Variants in OSBPL9 observed in about 807,000 individuals in gnomAD.
OSBPL9 encodes the protein oxysterol binding protein like 9, also known as oxysterol-binding protein-related protein 9.
In OSBPL9, 40 loss-of-function variants were observed where a neutral mutation model predicts 106.6. That is an observed-to-expected ratio of 0.38 (90% CI 0.29 to 0.49). OSBPL9 has a LOEUF of 0.49. Ranked by LOEUF, OSBPL9 falls within the 20% of genes least tolerant of loss-of-function variation. The pLI is 0.97. For missense variants in OSBPL9, 609 were observed against 887.2 expected (o/e 0.69, Z 3.98); for synonymous variants, 269 against 295.4 (o/e 0.91, Z 0.92).
chr1:51,666,003 A>G (rs1368144311), intron 2 of OSBPL9, among the ~76,000 whole-genome samples: 1 of 151,938 alleles, frequency 6.6e-6, no homozygotes, highest in Non-Finnish European at 1.5e-5. Flanking sequence ...ATGCGCCACC[A>G]TGCCTGGCTA....
intron 3 of OSBPL9, among the ~76,000 whole-genome samples, chr1:51,687,666 C>T (rs558665038): frequency 1.2e-4 from 19 of 152,208 alleles, no homozygotes; most frequent in Non-Finnish European, 2.6e-4. Context: ...AAAAGGATGA[C>T]CTGTTTGAGA....
chr1:51,617,839 C>T (rs1324702445), intron 1 of OSBPL9, among the ~76,000 whole-genome samples: 1 of 152,048 alleles, frequency 6.6e-6, no homozygotes, highest in Non-Finnish European at 1.5e-5. Flanking sequence ...CTTTTGAGAG[C>T]CAAGGATTTC....
intron 5 of OSBPL9, 64 bp from the exon 6 acceptor site, chr1:51,746,646 T>G (rs1166188430): frequency 1.9e-5 from 22 of 1,141,112 alleles, no homozygotes; most frequent in Non-Finnish European, 2.8e-5. Flanking sequence ...TTTTCTGTGT[T>G]TAGTGAATGT....
chr1:51,782,480 GAGAC>G, intron 16 of OSBPL9, 75 bp from the exon 17 acceptor site: 4 of 1,204,406 alleles, frequency 3.3e-6, no homozygotes, highest in Non-Finnish European at 4.8e-6. Context: ...AGAGCGAGCA[GAGAC>G]CCCAATTACC....
chr1:51,675,965 G>A (rs1651091654), intron 3 of OSBPL9, among the ~76,000 whole-genome samples: 1 of 152,108 alleles, frequency 6.6e-6, no homozygotes, highest in South Asian at 2.1e-4. Context: ...ACAACCTTAT[G>A]AAGTAGGTAC....
chr1:51,753,044 A>AT (rs1302358127), intron 8 of OSBPL9, among the ~76,000 whole-genome samples: 1 of 152,108 alleles, frequency 6.6e-6, no homozygotes, highest in Non-Finnish European at 1.5e-5. Flanking sequence ...ATTACTTTTA[A>AT]TGGTTGCATG....
At chr1:51,567,334 T>G in the OSBPL9 span, 1 of 152,384 alleles carries the variant, frequency 6.6e-6, no homozygotes, top group African/African-American at 2.4e-5. Context: ...GTCCCCAGCC[T>G]AAGGCCCAAA....
At chr1:51,624,775 A>G (rs990486634) in intron 1 of OSBPL9, among the ~76,000 whole-genome samples, 1 of 152,186 alleles carries the variant, frequency 6.6e-6, no homozygotes, top group African/African-American at 2.4e-5. Context: ...AGCCTAGCTC[A>G]TATACTTCTT....
chr1:51,704,679 C>T (rs1658044536), intron 3 of OSBPL9, among the ~76,000 whole-genome samples: 1 of 152,156 alleles, frequency 6.6e-6, no homozygotes, highest in Non-Finnish European at 1.5e-5. Flanking sequence ...TCCTTATATC[C>T]TCATGTGTTG....
At chr1:51,616,545 G>A (rs1644063542), upstream of OSBPL9, among the ~76,000 whole-genome samples, 1 of 152,164 alleles carries the variant, frequency 6.6e-6, no homozygotes, top group African/African-American at 2.4e-5. Context: ...GGCCTTCCCT[G>A]TTTGGGAATT....
At chr1:51,593,872 A>C (rs1645287763) in intron 1 of OSBPL9, among the ~76,000 whole-genome samples, 1 of 149,884 alleles carries the variant, frequency 6.7e-6, no homozygotes, top group Admixed American at 6.8e-5. Flanking sequence ...CAAGTGCCCT[A>C]TCTACTGCAC....
At chr1:51,769,472 G>A (rs1571672778) in intron 12 of OSBPL9, among the ~76,000 whole-genome samples, 2 of 152,174 alleles carry the variant, frequency 1.3e-5, no homozygotes, top group African/African-American at 4.8e-5. Flanking sequence ...GAACCTCCGA[G>A]CGTCTGTGTA....
At chr1:51,762,017 T>G in intron 11 of OSBPL9, 46 bp downstream of exon 11, 1 of 1,394,804 alleles carries the variant, frequency 7.2e-7, no homozygotes, top group Non-Finnish European at 1.0e-6. Context: ...TCTATTAACA[T>G]TTGAGGTTTG....
At chr1:51,597,246 G>A (rs898343277) in intron 1 of OSBPL9, among the ~76,000 whole-genome samples, 1 of 152,080 alleles carries the variant, frequency 6.6e-6, no homozygotes, top group Admixed American at 6.6e-5. Flanking sequence ...GGTGTAGTGG[G>A]AAGCCTTTAA....
chr1:51,622,050 G>A (rs1011963672), intron 1 of OSBPL9, among the ~76,000 whole-genome samples: 12 of 152,028 alleles, frequency 7.9e-5, no homozygotes, highest in Admixed American at 5.9e-4. Flanking sequence ...ATATGGTTGC[G>A]GAGAAGTAAT....
intron 2 of OSBPL9, among the ~76,000 whole-genome samples, chr1:51,602,041 G>C (rs529663360): frequency 0.11 from 103 of 918 alleles, no homozygotes; most frequent in Non-Finnish European, 0.24. Context: ...TTTTTTTTGA[G>C]ACGGAGTCTC....
intron 14 of OSBPL9, among the ~76,000 whole-genome samples, chr1:51,773,233 G>A (rs146568313): frequency 1.3e-3 from 202 of 152,234 alleles, no homozygotes; most frequent in Non-Finnish European, 2.6e-3. Context: ...CTACAGGCAC[G>A]CAAAATGACA....
chr1:51,693,461 C>A (rs188309988), intron 3 of OSBPL9, among the ~76,000 whole-genome samples: 1 of 150,718 alleles, frequency 6.6e-6, no homozygotes. Context: ...GATAGCTGAG[C>A]GAGGGAAGGG....
At chr1:51,716,663 A>G (rs2148899669) in intron 4 of OSBPL9, among the ~76,000 whole-genome samples, 1 of 152,314 alleles carries the variant, frequency 6.6e-6, no homozygotes, top group Non-Finnish European at 1.5e-5. Flanking sequence ...ATGAATGAAC[A>G]AATGGTTGAT....
Sources: allele counts gnomAD v4.1 joint callset (sites outside exome capture counted in the v4.1 genomes callset), GRCh38; gene constraint gnomAD v4.1.1; transcripts MANE v1.5; gene names NCBI Gene and HGNC (gene_info 2026-07-23, HGNC 2026-07-21).